Variants in CDH13 observed in about 807,000 individuals in gnomAD.
CDH13 encodes cadherin 13, also known as cadherin-13.
CDH13 carries 24 observed loss-of-function variants against 63.8 expected under a neutral mutation model. That is an observed-to-expected ratio of 0.38 (90% CI 0.27 to 0.53). The LOEUF (loss-of-function observed/expected upper bound fraction) is 0.53, where lower values mean the gene tolerates loss of function less well. Ranked by LOEUF, CDH13 falls within the 20% of genes least tolerant of loss-of-function variation. The pLI is 0.85. For missense variants in CDH13, 1,049 were observed against 903.1 expected, an observed-to-expected ratio of 1.16 and a Z score of -2.07; for synonymous variants, 503 against 355.3, an observed-to-expected ratio of 1.42 and a Z score of -4.67.
intron 10 of CDH13, among the ~76,000 whole-genome samples, chr16:83,701,488 C>G (rs1377314449): frequency 1.3e-5 from 2 of 152,188 alleles, no homozygotes; most frequent in African/African-American, 2.4e-5. Context: ...GTCCTCTTGG[C>G]ACAGTTGACT....
intron 7 of CDH13, among the ~76,000 whole-genome samples, chr16:83,591,780 A>G (rs917053930): frequency 2.0e-5 from 3 of 152,234 alleles, no homozygotes; most frequent in African/African-American, 4.8e-5. Flanking sequence ...TATATCTTTT[A>G]TCTTCACCCA....
chr16:83,151,970 A>T (rs749991675), intron 4 of CDH13, among the ~76,000 whole-genome samples: 5 of 152,170 alleles, frequency 3.3e-5, no homozygotes, highest in African/African-American at 1.2e-4. Flanking sequence ...GAAAAGAAAA[A>T]AAAGAAAGTA....
At chr16:83,713,168 C>T (rs927008649) in intron 10 of CDH13, among the ~76,000 whole-genome samples, 1 of 152,226 alleles carries the variant, frequency 6.6e-6, no homozygotes, top group Non-Finnish European at 1.5e-5. Flanking sequence ...GGGAAAGGAG[C>T]AGCTGCCTGC....
chr16:83,008,845 A>G lies in CDH13; in HGVS notation c.158-23165A>G, dbSNP rs201845910. ...CCCAAGACTGAGTAATTTATGGAAG[A>G]AAGAGGTTTCATTGACTCACAGTTC... On this transcript the variant is annotated intron_variant, in intron 2 of 13. Coordinates refer to ENST00000567109, the MANE Select transcript of CDH13 (RefSeq NM_001257.5). Among the ~76,000 whole-genome samples, 10 of 152,324 alleles carry G rather than the reference A, an allele frequency of 6.6e-5. No homozygotes were observed. The East Asian group carries it at 1.9e-3, about 29-fold the overall frequency.
At chr16:83,133,699 A>G (rs1292259783) in intron 4 of CDH13, among the ~76,000 whole-genome samples, 1 of 152,130 alleles carries the variant, frequency 6.6e-6, no homozygotes, top group African/African-American at 2.4e-5. Context: ...GGGGTTCACC[A>G]TATTGGTCAG....
intron 7 of CDH13, among the ~76,000 whole-genome samples, chr16:83,559,804 C>T (rs2075669669): frequency 6.6e-6 from 1 of 152,106 alleles, no homozygotes; most frequent in South Asian, 2.1e-4. Flanking sequence ...GCCAAGAAGC[C>T]GAAGGCACCA....
intron 8 of CDH13, among the ~76,000 whole-genome samples, chr16:83,605,759 T>C (rs1490784869): frequency 2.6e-5 from 4 of 152,178 alleles, no homozygotes; most frequent in African/African-American, 7.2e-5. Context: ...AGAGGCCAAA[T>C]TGACATTCTT....
chr16:83,375,892 G>A (rs1233077556), intron 6 of CDH13, among the ~76,000 whole-genome samples: 1 of 152,116 alleles, frequency 6.6e-6, no homozygotes, highest in African/African-American at 2.4e-5. Flanking sequence ...GGCTGGAAAG[G>A]CCATGATACA....
chr16:83,305,912 C>G (rs908936345), intron 5 of CDH13, among the ~76,000 whole-genome samples: 1 of 152,180 alleles, frequency 6.6e-6, no homozygotes, highest in Admixed American at 6.5e-5. Context: ...ATGACAGTGC[C>G]TAACTTGCAG....
At chr16:83,475,542 C>T (rs1181730248) in intron 6 of CDH13, among the ~76,000 whole-genome samples, 1 of 152,170 alleles carries the variant, frequency 6.6e-6, no homozygotes, top group Non-Finnish European at 1.5e-5. Flanking sequence ...ACTGTTATCT[C>T]ATTCTAGCCT....
At chr16:82,710,291 T>C (rs1217629058) in intron 1 of CDH13, among the ~76,000 whole-genome samples, 1 of 146,072 alleles carries the variant, frequency 6.8e-6, no homozygotes, top group Non-Finnish European at 1.5e-5. Context: ...TAATTATATA[T>C]AATAGGTGGA....
intron 2 of CDH13, among the ~76,000 whole-genome samples, chr16:83,026,641 A>T (rs1915829958): frequency 1.3e-5 from 2 of 152,202 alleles, no homozygotes; most frequent in South Asian, 4.1e-4. Context: ...GGGAGTAGAT[A>T]ATGAAAAAAA....
At chr16:82,713,806 G>GC (rs1567457107) in intron 1 of CDH13, among the ~76,000 whole-genome samples, 1 of 120,012 alleles carries the variant, frequency 8.3e-6, no homozygotes, top group Non-Finnish European at 1.8e-5. Context: ...CTGTATTTGT[G>GC]AAAAAAAAAA....
rs1555513908 is a variant in CDH13, at chr16:83,216,429, T to TATATATATATATAA, written c.484-903_484-902insAATATATATATATA. ...ATATATATATATATATATATATATA[T>TATATATATATATAA]ATATATATATATATACACAACCCTA... On this transcript the variant is annotated intron_variant, in intron 4 of 13. Coordinates refer to ENST00000567109, the MANE Select transcript of CDH13 (RefSeq NM_001257.5). Among the ~76,000 whole-genome samples, 94 of 105,680 alleles carry TATATATATATATAA rather than the reference T, an allele frequency of 8.9e-4. 4 individuals are homozygous for TATATATATATATAA. Among genetic ancestry groups the TATATATATATATAA allele is most frequent in the Non-Finnish European group, 1.3e-3 (64 of 49,242 alleles). 69.3% of individuals were successfully genotyped at this position (105,680 alleles called of 152,430 possible).
At chr16:83,422,171 A>C (rs2071735195) in intron 6 of CDH13, among the ~76,000 whole-genome samples, 1 of 152,230 alleles carries the variant, frequency 6.6e-6, no homozygotes, top group South Asian at 2.1e-4. Context: ...TTAATTAGAT[A>C]TTCTAGAACC....
At chr16:82,687,334 T>C (rs558885724) in intron 1 of CDH13, among the ~76,000 whole-genome samples, 21 of 152,326 alleles carry the variant, frequency 1.4e-4, no homozygotes, top group Admixed American at 1.2e-3. Flanking sequence ...ATGTAAGTGA[T>C]ATCAGCTGGA....
intron 5 of CDH13, among the ~76,000 whole-genome samples, chr16:83,281,489 T>C (rs947971692): frequency 1.3e-5 from 2 of 152,222 alleles, no homozygotes; most frequent in Non-Finnish European, 2.9e-5. Flanking sequence ...TTGCCATTCA[T>C]GTGTTTACTG....
intron 5 of CDH13, among the ~76,000 whole-genome samples, chr16:83,262,006 G>A (rs867784151): frequency 2.0e-5 from 3 of 152,136 alleles, no homozygotes; most frequent in Middle Eastern, 3.2e-3. Context: ...CGTAACCTGT[G>A]GGAAGGCTTC....
chr16:83,751,829 C>T (rs957814032), intron 11 of CDH13, among the ~76,000 whole-genome samples: 4 of 152,184 alleles, frequency 2.6e-5, no homozygotes, highest in Admixed American at 6.5e-5. Context: ...ATTTCATCAA[C>T]GTAAACAGGG....
Sources: gnomAD v4.1 joint callset for allele counts (sites outside exome capture counted in the v4.1 genomes callset) on GRCh38, gnomAD v4.1.1 for gene constraint, MANE v1.5 for transcripts, NCBI Gene and HGNC (gene_info 2026-07-23, HGNC 2026-07-21) for gene names.